SPAG16: variants seen among roughly 807,000 people sequenced by gnomAD.
SPAG16 encodes sperm-associated antigen 16 protein.
SPAG16 carries 86 observed loss-of-function variants against 80.4 expected under a neutral mutation model. That is an observed-to-expected ratio of 1.07 (90% CI 0.90 to 1.28). SPAG16 has a LOEUF of 1.28. SPAG16 is among the 50% of genes most tolerant of loss of function. The pLI is 0.00. For missense variants in SPAG16, 870 were observed against 765.3 expected (o/e 1.14, Z -1.61); for synonymous variants, 294 against 265.9 (o/e 1.11, Z -1.03).
intron 6 of SPAG16, among the ~76,000 whole-genome samples, chr2:213,341,093 TG>T (rs1411342027): frequency 6.6e-6 from 1 of 152,216 alleles, no homozygotes; most frequent in Admixed American, 6.6e-5. Context: ...TCAGGCACCC[TG>T]GTAAAGAAGC....
At chr2:214,149,019 A>C (rs2055815522) in intron 14 of SPAG16, 121 bp from the exon 15 acceptor site, 1 of 298,638 alleles carries the variant, frequency 3.3e-6, no homozygotes, top group Non-Finnish European at 5.4e-6. Flanking sequence ...TCTATAGGTT[A>C]CTATATGTAT....
chr2:213,949,627 A>G (rs568188590), intron 12 of SPAG16, among the ~76,000 whole-genome samples: 1 of 152,320 alleles, frequency 6.6e-6, no homozygotes, highest in Non-Finnish European at 1.5e-5. Flanking sequence ...ATCAAAGCAA[A>G]TAAGTTTTGA....
At chr2:213,495,712 G>A (rs1373006741) in intron 10 of SPAG16, among the ~76,000 whole-genome samples, 3 of 152,254 alleles carry the variant, frequency 2.0e-5, no homozygotes, top group Non-Finnish European at 2.9e-5. Flanking sequence ...GAGAGTGACC[G>A]GGACTTTTCT....
At chr2:213,585,340 G>A (rs2060433250) in intron 10 of SPAG16, among the ~76,000 whole-genome samples, 2 of 149,448 alleles carry the variant, frequency 1.3e-5, no homozygotes, top group Admixed American at 6.7e-5. Flanking sequence ...GCAGTGGTGC[G>A]ATCTTGGCTC....
At chr2:213,350,807 C>T (rs2065283238) in intron 7 of SPAG16, among the ~76,000 whole-genome samples, 162 bp downstream of exon 7, 1 of 152,086 alleles carries the variant, frequency 6.6e-6, no homozygotes, top group Admixed American at 6.6e-5. Flanking sequence ...AAGTATTTCT[C>T]CATTTAACTA....
chr2:213,742,591 C>T, intron 10 of SPAG16, among the ~76,000 whole-genome samples: 2 of 129,608 alleles, frequency 1.5e-5, no homozygotes, highest in Admixed American at 8.8e-5. Flanking sequence ...TCGGTCTTGT[C>T]GCCCAGGCTG....
chr2:213,861,505 C>T lies in SPAG16; in HGVS notation c.1071-980C>T, dbSNP rs78462510. The stretch of plus-strand genomic sequence containing the variant: ...TTTTTTAAATCATCATATGTCTTAC[C>T]GCACCACATTGGCAAGTAAATGTAT... On this transcript the variant is annotated intron_variant, in intron 10 of 15. Coordinates refer to ENST00000331683, the MANE Select transcript of SPAG16 (RefSeq NM_024532.5). Among the ~76,000 whole-genome samples, 1,158 of 152,118 alleles carry T rather than the reference C, an allele frequency of 7.6e-3. 18 individuals are homozygous for T. The highest frequency in any genetic ancestry group is 0.025 in the African/African-American group (1,044 of 41,516).
At chr2:213,726,483 T>A (rs766746488) in intron 10 of SPAG16, among the ~76,000 whole-genome samples, 4 of 152,244 alleles carry the variant, frequency 2.6e-5, no homozygotes, top group Non-Finnish European at 1.5e-5. Flanking sequence ...TAGAGATTAT[T>A]AGTTGCCAAA....
chr2:214,172,870 C>A (rs539966306), intron 15 of SPAG16, among the ~76,000 whole-genome samples: 101 of 152,210 alleles, frequency 6.6e-4, no homozygotes, highest in African/African-American at 2.3e-3. Flanking sequence ...AACATTTTTT[C>A]ATGTGTTTTT....
chr2:214,157,802 G>T (rs557131200), intron 15 of SPAG16, among the ~76,000 whole-genome samples: 10 of 152,166 alleles, frequency 6.6e-5, no homozygotes, highest in South Asian at 2.1e-4. Context: ...ACGAAGTCTT[G>T]TTCCTTTCTG....
At chr2:213,480,279 A>T (rs1370100868) in intron 9 of SPAG16, among the ~76,000 whole-genome samples, 1 of 152,218 alleles carries the variant, frequency 6.6e-6, no homozygotes, top group Non-Finnish European at 1.5e-5. Flanking sequence ...ATAAACTTGC[A>T]TTTATAGCTG....
chr2:213,655,844 T>G (rs1032099829), intron 10 of SPAG16, among the ~76,000 whole-genome samples: 1 of 152,258 alleles, frequency 6.6e-6, no homozygotes, highest in African/African-American at 2.4e-5. Context: ...GCATTGCAGC[T>G]AAGTTCCAAT....
At chr2:214,148,176 G>A (rs2055757574) in intron 14 of SPAG16, among the ~76,000 whole-genome samples, 1 of 152,154 alleles carries the variant, frequency 6.6e-6, no homozygotes, top group Non-Finnish European at 1.5e-5. Context: ...GAAATTAAAT[G>A]ACCAGAATGA....
At chr2:213,553,980 C>T (rs2125956344) in intron 10 of SPAG16, among the ~76,000 whole-genome samples, 1 of 152,298 alleles carries the variant, frequency 6.6e-6, no homozygotes, top group Non-Finnish European at 1.5e-5. Flanking sequence ...TATTATCACC[C>T]TGGGTTCCAG....
intron 2 of SPAG16, 126 bp downstream of exon 2, chr2:213,296,236 T>A: frequency 1.6e-6 from 1 of 640,836 alleles, no homozygotes; most frequent in Non-Finnish European, 2.7e-6. Flanking sequence ...GTTTTTCAAC[T>A]GAATTTAGCT....
intron 15 of SPAG16, among the ~76,000 whole-genome samples, chr2:214,187,526 A>G (rs1403472538): frequency 1.3e-5 from 2 of 152,164 alleles, no homozygotes; most frequent in African/African-American, 2.4e-5. Flanking sequence ...TCTACATTTT[A>G]TTAGCAATTA....
intron 15 of SPAG16, among the ~76,000 whole-genome samples, chr2:214,193,691 C>T (rs553488745): frequency 6.6e-6 from 1 of 152,122 alleles, no homozygotes; most frequent in East Asian, 1.9e-4. Context: ...AAGGGAGATA[C>T]TCACTAAATG....
intron 15 of SPAG16, chr2:214,238,047 T>G (rs1689196675): frequency 3.8e-6 from 1 of 261,288 alleles, no homozygotes; most frequent in Non-Finnish European, 7.6e-6. Context: ...TGCAGAAATT[T>G]ATTTAAATTT....
intron 10 of SPAG16, among the ~76,000 whole-genome samples, chr2:213,575,833 G>A (rs2060104245): frequency 6.6e-6 from 1 of 151,940 alleles, no homozygotes; most frequent in African/African-American, 2.4e-5. Context: ...CTGTTATTTT[G>A]TGTCTCACAA....
Sources: allele counts gnomAD v4.1 joint callset (sites outside exome capture counted in the v4.1 genomes callset), GRCh38; gene constraint gnomAD v4.1.1; transcripts MANE v1.5; gene names NCBI Gene and HGNC (gene_info 2026-07-23, HGNC 2026-07-21).